The following PPARA variants were observed in gnomAD, a reference collection of about 807,000 sequenced individuals.
PPARA encodes the protein peroxisome proliferator-activated receptor alpha.
PPARA carries 22 observed loss-of-function variants against 42.2 expected under a neutral mutation model. The observed-to-expected ratio is 0.52, with a 90% CI of 0.37 to 0.74. The LOEUF is 0.74. Ranked by LOEUF, PPARA falls within the 30% of genes least tolerant of loss-of-function variation. The probability of loss-of-function intolerance (pLI) is 0.00; values close to 1 mark genes in which losing one functional copy is unlikely to be tolerated. For synonymous variants in PPARA, 242 were observed against 239.3 expected, an observed-to-expected ratio of 1.01 and a Z score of -0.10; for missense variants, 465 against 608.2, an observed-to-expected ratio of 0.76 and a Z score of 2.48.
chr22:46,200,259 TAATGAC>T lies in PPARA; in HGVS notation c.208+1670_208+1675del, dbSNP rs1376885747. Among the ~76,000 whole-genome samples the T allele has an allele frequency of 1.1e-4, 16 of 152,332 alleles. No individual in the cohort carries two copies. In the East Asian group the frequency reaches 3.1e-3, roughly 29 times the overall value. On this transcript the variant is annotated intron_variant, in intron 4 of 8. Coordinates refer to ENST00000407236, the MANE Select transcript of PPARA (RefSeq NM_005036.6). This position sits in a 1 kb window ranked among gnomAD's most constrained non-coding sequence, Gnocchi z 4.8. ...ACATGGGTATTACAGTCATGTTGCTTAATGACAGGGACAGGTTGTGAGAAATGCATC... is the reference window on the plus strand; with the variant it reads ...ACATGGGTATTACAGTCATGTTGCTTAGGGACAGGTTGTGAGAAATGCATC...
At chr22:46,217,247 C>T (rs756326229) in intron 5 of PPARA, among the ~76,000 whole-genome samples, 1 of 152,128 alleles carries the variant, frequency 6.6e-6, no homozygotes, top group Non-Finnish European at 1.5e-5. Context: ...CCCTCTCCCG[C>T]GGGCCAAGCA....
intron 5 of PPARA, among the ~76,000 whole-genome samples, chr22:46,215,602 C>T (rs916901086): frequency 2.0e-5 from 3 of 151,772 alleles, no homozygotes; most frequent in African/African-American, 4.8e-5. Context: ...ATTAGCCAGG[C>T]GTGGTGGTGG....
intron 2 of PPARA, among the ~76,000 whole-genome samples, chr22:46,174,276 A>AGGAAGGAAGGAAGG (rs1236515954): frequency 1.1e-4 from 17 of 150,624 alleles, no homozygotes; most frequent in Non-Finnish European, 1.8e-4. Flanking sequence ...GAAGGAAGGA[A>AGGAAGGAAGGAAGG]ATTATGATAA....
rs1471738633 is a variant in PPARA at position 46,185,962 on chromosome 22, T to TAC, written c.-43+9127_-43+9128insCA. On this transcript the variant is annotated intron_variant, in intron 3 of 8. Coordinates refer to ENST00000407236, the MANE Select transcript of PPARA (RefSeq NM_005036.6). ...ATATATATATATATATATATATATA[T>TAC]ATACACACACACTAACCTTCAGCAT... Among the ~76,000 whole-genome samples, 6 of 37,130 alleles carry TAC rather than the reference T, an allele frequency of 1.6e-4. 1 individual carries two copies. Among genetic ancestry groups the TAC allele is most frequent in the East Asian group, 9.4e-4 (1 of 1,066 alleles). The allele number at this position is 37,130 out of a possible 152,430, so 24.4% of individuals were successfully genotyped here. A position where few individuals can be genotyped will look rare whatever the true frequency, so the allele number is the denominator to read the frequency against.
Position 46,219,884 on chromosome 22 carries a change from A to G in PPARA, c.581A>G (p.Asp194Gly), listed in dbSNP as rs376785062. ...LKAEILTCEH[D>G]IEDSETADLK... The stretch of plus-strand genomic sequence containing the variant: ...GCAGAAATTCTTACCTGTGAACATG[A>G]CATAGAAGATTCTGAAACTGCAGAT... Residue 194 changes from aspartate (D) to glycine (G), a missense_variant, in exon 7 of 9, where the codon GAC becomes GGC. Around this residue, in one of 2 missense-constraint regions of PPARA, gnomAD observed 313 missense variants for 469.1 expected, o/e 0.67. Transcript: ENST00000407236. The surrounding 1 kb of genome is among the most constrained non-coding windows in gnomAD (Gnocchi z 4.8). The G allele has an allele frequency of 6.2e-7, 1 of 1,614,238 alleles. No homozygotes were observed.
chr22:46,228,858 A>C (rs1015116106), intron 7 of PPARA, among the ~76,000 whole-genome samples: 2 of 151,784 alleles, frequency 1.3e-5, no homozygotes, highest in Non-Finnish European at 2.9e-5. Context: ...TAATCCCAGC[A>C]CTTTGGGAGG....
intron 4 of PPARA, 63 bp from the exon 5 acceptor site, chr22:46,215,110 C>A (rs1934350099): frequency 6.3e-7 from 1 of 1,580,490 alleles, no homozygotes; most frequent in Non-Finnish European, 8.7e-7. Flanking sequence ...TCCTCATAGA[C>A]CCGGTTCAGA....
At chr22:46,205,914 C>G (rs569283209) in intron 4 of PPARA, among the ~76,000 whole-genome samples, 1 of 152,070 alleles carries the variant, frequency 6.6e-6, no homozygotes, top group East Asian at 1.9e-4. Context: ...CTGCAGCTTT[C>G]TTTTGATTGG....
chr22:46,199,831 T>C (rs930901505), intron 4 of PPARA, among the ~76,000 whole-genome samples: 4 of 152,126 alleles, frequency 2.6e-5, no homozygotes, highest in African/African-American at 7.2e-5. Context: ...CAAGCAGTTC[T>C]CCTGCCTCAG....
At chr22:46,175,575 G>C (rs530063286) in intron 2 of PPARA, among the ~76,000 whole-genome samples, 1 of 151,998 alleles carries the variant, frequency 6.6e-6, no homozygotes, top group African/African-American at 2.4e-5. Flanking sequence ...TTAGCCAAGC[G>C]TGGTGGCGGG....
chr22:46,174,190 A>AAG (rs150359508), intron 2 of PPARA, among the ~76,000 whole-genome samples: 2,123 of 126,834 alleles, frequency 0.017, 30 homozygotes, highest in East Asian at 0.076. Context: ...AGAAGGAAGA[A>AAG]AGAGAGAGAG....
intron 7 of PPARA, among the ~76,000 whole-genome samples, chr22:46,226,594 T>G (rs991320611): frequency 6.6e-6 from 1 of 152,198 alleles, no homozygotes; most frequent in African/African-American, 2.4e-5. Flanking sequence ...AGAACTGAAT[T>G]TTAGACAAAC....
At chr22:46,159,703 T>C (rs980997344) in intron 2 of PPARA, among the ~76,000 whole-genome samples, 1 of 152,168 alleles carries the variant, frequency 6.6e-6, no homozygotes, top group Non-Finnish European at 1.5e-5. Context: ...TTAAGTTCAA[T>C]TATGCGAAGA....
Position 46,190,960 on chromosome 22 carries a change from G to A in PPARA, c.-42-7382G>A, listed in dbSNP as rs1244709442. Among the ~76,000 whole-genome samples the A allele has an allele frequency of 6.6e-6, 1 of 152,196 alleles. No individual in the cohort carries two copies. Among genetic ancestry groups the A allele is most frequent in the Non-Finnish European group, 1.5e-5 (1 of 68,028 alleles). On this transcript the variant is annotated intron_variant, in intron 3 of 8. Transcript: ENST00000407236. The surrounding 1 kb of genome is among the most constrained non-coding windows in gnomAD (Gnocchi z 5.6). ...AATCCCAGCACTTTGGGAGGCCGAG[G>A]TGGGCGGATTACCTGAGGTCAGGTG...
In PPARA at chr22:46,204,969, G is replaced by A. The variant is rs1390397029; in HGVS notation, c.208+6378G>A. On this transcript the variant is annotated intron_variant, in intron 4 of 8. Transcript: ENST00000407236. This position sits in a 1 kb window ranked among gnomAD's most constrained non-coding sequence, Gnocchi z 5.2. ...TGCAGCCTTGACCTCTTGGGCTCAG[G>A]AAACCCTCCGACCTCAGCCTCCCAA... 2.0e-5 allele frequency among the ~76,000 whole-genome samples: 3 copies of A among 152,082 alleles called. No homozygotes were observed. Among genetic ancestry groups the A allele is most frequent in the African/African-American group, 7.2e-5 (3 of 41,414 alleles).
intron 2 of PPARA, among the ~76,000 whole-genome samples, chr22:46,158,740 C>T (rs1427985723): frequency 6.6e-6 from 1 of 152,178 alleles, no homozygotes; most frequent in Non-Finnish European, 1.5e-5. Context: ...CAGTTTTCCA[C>T]ATGGAACAAA....
intron 3 of PPARA, among the ~76,000 whole-genome samples, chr22:46,197,036 TTTTGGTTTTGG>T (rs1181051187): frequency 1.4e-5 from 2 of 145,000 alleles, no homozygotes; most frequent in Non-Finnish European, 3.0e-5. Context: ...TTTTGTTTGG[TTTTGGTTTTGG>T]TTTGGTTTTG....
chr22:46,186,462 G>A (rs540461632), intron 3 of PPARA, among the ~76,000 whole-genome samples: 4 of 152,312 alleles, frequency 2.6e-5, no homozygotes, highest in Admixed American at 6.5e-5. Context: ...GGATGAAGGC[G>A]TGGGCTGGGG....
rs546031053 is a variant in PPARA, at chr22:46,229,352, A to C, written c.712-2440A>C. On this transcript the variant is annotated intron_variant, in intron 7 of 8. Coordinates refer to ENST00000407236, the MANE Select transcript of PPARA (RefSeq NM_005036.6). ...ACAGATTGCCTGAGCTCAGGAGTTC[A>C]AGACCAGCCTGGGTAACAAGGTGAA... 5.3e-5 allele frequency among the ~76,000 whole-genome samples: 8 copies of C among 152,044 alleles called. 1 individual carries two copies. The South Asian group carries it at 1.5e-3, about 28-fold the overall frequency.
Sources: allele counts gnomAD v4.1 joint callset (sites outside exome capture counted in the v4.1 genomes callset), GRCh38; gene constraint gnomAD v4.1.1; regional missense constraint gnomAD v4.1.1; non-coding constraint Gnocchi (gnomAD v3.1); transcripts MANE v1.5; gene names NCBI Gene and HGNC (gene_info 2026-07-23, HGNC 2026-07-21).